Variants in SEMA6A observed in about 807,000 individuals in gnomAD.
SEMA6A encodes the protein semaphorin-6A.
In SEMA6A, 25 loss-of-function variants were observed where a neutral mutation model predicts 96.8. The ratio of observed to expected loss-of-function variants is 0.26; its 90% CI spans 0.19 to 0.36. The LOEUF is 0.36. Ranked by LOEUF, SEMA6A falls within the 10% of genes least tolerant of loss-of-function variation. SEMA6A has a pLI of 1.00. For missense variants in SEMA6A, 1,363 were observed against 1,323.1 expected (o/e 1.03, Z -0.47); for synonymous variants, 612 against 518.0 (o/e 1.18, Z -2.46).
chr5:116,512,775 T>C (rs758716572), intron 1 of SEMA6A, among the ~76,000 whole-genome samples: 25 of 152,000 alleles, frequency 1.6e-4, no homozygotes, highest in Admixed American at 6.6e-5. Flanking sequence ...TTTACTTGGA[T>C]GTTTCAGATA....
chr5:116,508,606 CAGAG>C (rs758937650), intron 1 of SEMA6A, among the ~76,000 whole-genome samples: 4 of 152,100 alleles, frequency 2.6e-5, no homozygotes, highest in Non-Finnish European at 5.9e-5. Flanking sequence ...GAAGCTGACT[CAGAG>C]AGAAGAAAAC....
At chr5:116,488,042 A>G in intron 9 of SEMA6A, 66 bp downstream of exon 9, 1 of 1,058,422 alleles carries the variant, frequency 9.4e-7, no homozygotes, top group Non-Finnish European at 1.4e-6. Flanking sequence ...TTATAACAAC[A>G]TTTGACCAAA....
chr5:116,532,707 C>G (rs1759537566), intron 1 of SEMA6A, among the ~76,000 whole-genome samples: 1 of 152,112 alleles, frequency 6.6e-6, no homozygotes, highest in Admixed American at 6.6e-5. Context: ...CTTCCCTTCT[C>G]TTTTCCCTAG....
chr5:116,538,160 C>A (rs1356143583), intron 1 of SEMA6A, among the ~76,000 whole-genome samples: 1 of 152,020 alleles, frequency 6.6e-6, no homozygotes, highest in East Asian at 1.9e-4. Flanking sequence ...GGCTACAGAG[C>A]AAGACTCCAT....
chr5:116,500,973 T>C (rs1442314949), intron 3 of SEMA6A, among the ~76,000 whole-genome samples: 1 of 152,150 alleles, frequency 6.6e-6, no homozygotes, highest in Non-Finnish European at 1.5e-5. Context: ...ATCGCGCCAC[T>C]GCACTCCAGC....
intron 1 of SEMA6A, among the ~76,000 whole-genome samples, chr5:116,524,046 A>G (rs1213293934): frequency 3.3e-5 from 5 of 152,210 alleles, no homozygotes; most frequent in Non-Finnish European, 5.9e-5. Context: ...CCACTTACAG[A>G]ATATAATTTA....
chr5:116,468,072 G>C, intron 17 of SEMA6A: 1 of 287,488 alleles, frequency 3.5e-6, no homozygotes, highest in Non-Finnish European at 6.6e-6. Context: ...TGGGAGGATA[G>C]TGACATAATG....
intron 18 of SEMA6A, among the ~76,000 whole-genome samples, chr5:116,465,444 G>T (rs929466145): frequency 2.0e-5 from 3 of 152,134 alleles, no homozygotes; most frequent in Non-Finnish European, 4.4e-5. Flanking sequence ...CAACTCATTG[G>T]CATTGCCCCA....
At chr5:116,538,090 G>A (rs1379531038) in intron 1 of SEMA6A, among the ~76,000 whole-genome samples, 4 of 152,158 alleles carry the variant, frequency 2.6e-5, no homozygotes, top group South Asian at 4.1e-4. Flanking sequence ...CAGGGGAATC[G>A]CTTGAACCCG....
chr5:116,452,845 C>A (rs1046314605), intron 18 of SEMA6A, among the ~76,000 whole-genome samples: 1 of 152,174 alleles, frequency 6.6e-6, no homozygotes, highest in Non-Finnish European at 1.5e-5. Context: ...CTCCAAGCAT[C>A]TTTGTGGCTG....
At chr5:116,540,171 A>T (rs1285925202) in intron 1 of SEMA6A, among the ~76,000 whole-genome samples, 1 of 152,208 alleles carries the variant, frequency 6.6e-6, no homozygotes. Flanking sequence ...TCAAATACTC[A>T]TTATTTTCAA....
Position 116,477,938 on chromosome 5 carries a change from G to C in SEMA6A, c.1569-12C>G. On this transcript the variant is annotated splice_polypyrimidine_tract_variant and intron_variant, in intron 14 of 18. Transcript: ENST00000343348. ...AGGCAATACAGGTTCTGCAGGAAGA[G>C]GATGACCATGAGCTACCTAGGACTG... 1 of 1,613,970 alleles carries C rather than the reference G, an allele frequency of 6.2e-7. No homozygotes were observed. The highest frequency in any genetic ancestry group is 8.5e-7 in the Non-Finnish European group (1 of 1,179,842).
intron 11 of SEMA6A, among the ~76,000 whole-genome samples, chr5:116,482,000 C>T (rs1329061626): frequency 1.3e-5 from 2 of 152,136 alleles, no homozygotes; most frequent in Non-Finnish European, 2.9e-5. Context: ...AGCTCTGATC[C>T]AGCTTGGTCA....
At chr5:116,485,860 G>A (rs887314034) in intron 10 of SEMA6A, among the ~76,000 whole-genome samples, 33 of 152,106 alleles carry the variant, frequency 2.2e-4, no homozygotes, top group Admixed American at 2.6e-4. Context: ...ACAACAATAC[G>A]AGGACTCTGA....
rs932751450 is a variant in SEMA6A, at chr5:116,503,758, G to A, written c.100+1087C>T. Among the ~76,000 whole-genome samples, 5 of 151,938 alleles carry A rather than the reference G, an allele frequency of 3.3e-5. No individual in the cohort carries two copies. The South Asian group carries it at 6.3e-4, about 19-fold the overall frequency. On this transcript the variant is annotated intron_variant, in intron 2 of 18. Coordinates refer to ENST00000343348, the MANE Select transcript of SEMA6A (RefSeq NM_020796.5). ...TCTCCATCCTCTGACCTCATGATCC[G>A]CCCACCTCGGCCTCCCAAAGTGCTG...
intron 17 of SEMA6A, chr5:116,471,722 C>T (rs1756159736): frequency 6.6e-6 from 1 of 152,164 alleles, no homozygotes; most frequent in African/African-American, 2.4e-5. Flanking sequence ...GCACTGTTTT[C>T]CATACCTACA....
In SEMA6A at chr5:116,556,563, G is replaced by A. The variant is rs73256754; in HGVS notation, c.-39+17622C>T. The stretch of plus-strand genomic sequence containing the variant: ...CCATTAGTATTTCCCCTTTACAGAT[G>A]ATGAATATGAGGCACAGAGATGTTA... On this transcript the variant is annotated intron_variant, in intron 1 of 18. Coordinates refer to ENST00000343348, the MANE Select transcript of SEMA6A (RefSeq NM_020796.5). Among the ~76,000 whole-genome samples the A allele has an allele frequency of 3.4e-3, 511 of 152,240 alleles. 2 individuals are homozygous for A. The highest frequency in any genetic ancestry group is 0.012 in the African/African-American group (497 of 41,536).
chr5:116,508,820 T>G (rs756980687), intron 1 of SEMA6A, among the ~76,000 whole-genome samples: 19 of 152,174 alleles, frequency 1.2e-4, no homozygotes, highest in Non-Finnish European at 2.6e-4. Flanking sequence ...TTAGGAGGCC[T>G]TCCTTACCCA....
intron 18 of SEMA6A, chr5:116,449,362 C>A: frequency 1.4e-6 from 1 of 702,330 alleles, no homozygotes; most frequent in Non-Finnish European, 2.6e-6. Context: ...TAAATCAACT[C>A]TTTCTGGAAT....
Sources: allele counts gnomAD v4.1 joint callset (sites outside exome capture counted in the v4.1 genomes callset), GRCh38; gene constraint gnomAD v4.1.1; transcripts MANE v1.5; gene names NCBI Gene and HGNC (gene_info 2026-07-23, HGNC 2026-07-21).